ADGRV1: variants seen among roughly 807,000 people sequenced by gnomAD.
ADGRV1 encodes adhesion G protein-coupled receptor V1.
A neutral mutation model predicts 596.2 loss-of-function variants in ADGRV1; 359 were observed. The ratio of observed to expected loss-of-function variants is 0.60; its 90% CI spans 0.55 to 0.66. The LOEUF is 0.66. Among genes scored for constraint, ADGRV1 ranks in the 30% least tolerant of loss-of-function variants. The pLI, the probability that ADGRV1 is intolerant of heterozygous loss-of-function variation, is 0.00. For missense variants in ADGRV1, 7,274 were observed against 7,575.6 expected, an observed-to-expected ratio of 0.96 and a Z score of 1.48; for synonymous variants, 2,681 against 2,679.2, an observed-to-expected ratio of 1.00 and a Z score of -0.02.
At chr5:90,679,368 G>C (rs1292697519) in intron 25 of ADGRV1, among the ~76,000 whole-genome samples, 181 bp from the exon 26 acceptor site, 1 of 152,076 alleles carries the variant, frequency 6.6e-6, no homozygotes, top group East Asian at 1.9e-4. Context: ...TGATAATTTG[G>C]TAGCTTGACT....
At chr5:90,917,767 C>G (rs1773512161) in intron 83 of ADGRV1, among the ~76,000 whole-genome samples, 2 of 152,126 alleles carry the variant, frequency 1.3e-5, no homozygotes, top group Admixed American at 6.5e-5. Context: ...TCACAAATAC[C>G]AAGAAATCCA....
intron 73 of ADGRV1, among the ~76,000 whole-genome samples, chr5:90,808,832 G>A (rs1762149532): frequency 6.6e-6 from 1 of 152,090 alleles, no homozygotes; most frequent in South Asian, 2.1e-4. Flanking sequence ...GGAGGCAGAG[G>A]TTGCAATGAA....
intron 29 of ADGRV1, among the ~76,000 whole-genome samples, chr5:90,688,572 G>A (rs576395246): frequency 6.6e-6 from 1 of 152,238 alleles, no homozygotes; most frequent in Admixed American, 6.5e-5. Context: ...GGCCAGGATG[G>A]TCTCGATCTC....
chr5:90,741,060 C>T (rs1375075627), intron 50 of ADGRV1, among the ~76,000 whole-genome samples: 1 of 152,148 alleles, frequency 6.6e-6, no homozygotes, highest in African/African-American at 2.4e-5. Flanking sequence ...CCTATTCCAC[C>T]ATCTTGCTGA....
Position 90,705,526 on chromosome 5 carries a change from A to C in ADGRV1, c.8513A>C (p.Gln2838Pro). Residue 2838 changes from glutamine (Q) to proline (P), a missense_variant, in exon 37 of 90, where the codon CAA (glutamine) becomes CCA (proline). Physicochemically the swap from Gln to Pro is moderately conservative, Grantham distance 76. Around this residue, in one of 5 missense-constraint regions of ADGRV1, gnomAD observed 3,643 missense variants for 3,809.2 expected, o/e 0.96. Transcript: ENST00000405460. ...FALSSRFVLL[Q>P]EANITIQLFI... ...CTTTCATCAAGATTTGTGTTACTACAAGAGGCTAACATAACAATTCAGCTT... is the reference window on the plus strand; with the variant it reads ...CTTTCATCAAGATTTGTGTTACTACCAGAGGCTAACATAACAATTCAGCTT... 6.2e-7 allele frequency: 1 copy of C among 1,613,910 alleles called. No individual in the cohort carries two copies. The highest frequency in any genetic ancestry group is 8.5e-7 in the Non-Finnish European group (1 of 1,179,824).
chr5:91,072,900 A>G (rs1788513941), intron 86 of ADGRV1, among the ~76,000 whole-genome samples: 2 of 152,176 alleles, frequency 1.3e-5, no homozygotes, highest in African/African-American at 2.4e-5. Context: ...AAGTGAAGCA[A>G]TAATAACTTG....
At chr5:90,642,511 G>T in intron 11 of ADGRV1, 125 bp from the exon 12 acceptor site, 1 of 961,446 alleles carries the variant, frequency 1.0e-6, no homozygotes, top group South Asian at 1.8e-5. Context: ...TTCACTTAAG[G>T]TCTAATTCCT....
At chr5:91,052,303 A>T (rs1230712711) in intron 85 of ADGRV1, among the ~76,000 whole-genome samples, 1 of 152,152 alleles carries the variant, frequency 6.6e-6, no homozygotes, top group African/African-American at 2.4e-5. Context: ...TTCTAAAAAA[A>T]AAAAAAAGTG....
intron 83 of ADGRV1, among the ~76,000 whole-genome samples, chr5:90,888,521 A>T (rs1043933590): frequency 6.6e-6 from 1 of 152,170 alleles, no homozygotes; most frequent in Non-Finnish European, 1.5e-5. Context: ...GGAATGATAC[A>T]TTCAAACATA....
chr5:91,024,673 T>A (rs1484995689), intron 85 of ADGRV1, among the ~76,000 whole-genome samples: 1 of 152,192 alleles, frequency 6.6e-6, no homozygotes, highest in African/African-American at 2.4e-5. Flanking sequence ...AAAGTTACTT[T>A]GTTCTCTCAG....
At chr5:90,596,466 C>T (rs555990180) in intron 1 of ADGRV1, among the ~76,000 whole-genome samples, 2 of 152,026 alleles carry the variant, frequency 1.3e-5, no homozygotes, top group African/African-American at 2.4e-5. Context: ...TGTAGCGAGC[C>T]GAGATCACGC....
chr5:90,785,516 G>A (rs1287653854), intron 67 of ADGRV1, among the ~76,000 whole-genome samples: 2 of 152,012 alleles, frequency 1.3e-5, no homozygotes, highest in Non-Finnish European at 2.9e-5. Context: ...TCTGACAAAG[G>A]GCTAATATCC....
At chr5:90,682,156 G>C (rs750633591) in intron 27 of ADGRV1, among the ~76,000 whole-genome samples, 2 of 152,086 alleles carry the variant, frequency 1.3e-5, no homozygotes, top group Admixed American at 1.3e-4. Flanking sequence ...TTTTTCATTC[G>C]TAGTATGTAT....
intron 86 of ADGRV1, among the ~76,000 whole-genome samples, chr5:91,083,507 GTTGTTTTTTGTTTT>G (rs775903477): frequency 7.9e-5 from 12 of 152,038 alleles, no homozygotes; most frequent in Admixed American, 3.9e-4. Context: ...TTTACAATAT[GTTGTTTTTTGTTTT>G]TTGTTTTTTG....
intron 1 of ADGRV1, among the ~76,000 whole-genome samples, chr5:90,585,404 A>AT (rs1334493593): frequency 1.3e-5 from 2 of 152,278 alleles, no homozygotes; most frequent in African/African-American, 2.4e-5. Flanking sequence ...GGAGAGTATG[A>AT]TTTTTTGCTT....
At chr5:91,068,746 A>G (rs1263909021) in intron 85 of ADGRV1, among the ~76,000 whole-genome samples, 2 of 152,098 alleles carry the variant, frequency 1.3e-5, no homozygotes, top group African/African-American at 4.8e-5. Context: ...TTCCTATCAA[A>G]CTACCAACAT....
intron 86 of ADGRV1, among the ~76,000 whole-genome samples, chr5:91,099,723 T>C (rs527543132): frequency 1.3e-5 from 2 of 151,764 alleles, no homozygotes; most frequent in East Asian, 3.9e-4. Flanking sequence ...GAGAAGTAGA[T>C]CTCTTACCAA....
intron 13 of ADGRV1, 113 bp from the exon 14 acceptor site, chr5:90,643,690 A>G (rs959927142): frequency 6.0e-5 from 43 of 719,422 alleles, no homozygotes; most frequent in Non-Finnish European, 8.7e-5. Flanking sequence ...CCTTTCAGTG[A>G]GTTATATGCT....
chr5:90,940,238 A>G (rs1007422958), intron 83 of ADGRV1, among the ~76,000 whole-genome samples: 5 of 152,242 alleles, frequency 3.3e-5, no homozygotes, highest in African/African-American at 1.2e-4. Context: ...TGTAACCAAA[A>G]TATGAGTTGC....
Sources: gnomAD v4.1 joint callset for allele counts (sites outside exome capture counted in the v4.1 genomes callset) on GRCh38, gnomAD v4.1.1 for gene constraint, gnomAD v4.1.1 regional missense constraint, MANE v1.5 for transcripts, NCBI Gene and HGNC (gene_info 2026-07-23, HGNC 2026-07-21) for gene names.